The following PAPLN variants were observed in gnomAD, a reference collection of about 807,000 sequenced individuals.
The protein encoded by PAPLN is papilin, proteoglycan like sulfated glycoprotein.
A neutral mutation model predicts 159.0 loss-of-function variants in PAPLN; 146 were observed. The ratio of observed to expected loss-of-function variants is 0.92; its 90% confidence interval spans 0.80 to 1.05. PAPLN has a LOEUF of 1.05. Ranked by LOEUF, PAPLN falls within the 50% of genes least tolerant of loss-of-function variation. The pLI is 0.00. For synonymous variants in PAPLN, 734 were observed against 702.9 expected, an observed-to-expected ratio of 1.04 and a Z score of -0.70; for missense variants, 1,720 against 1,743.9, an observed-to-expected ratio of 0.99 and a Z score of 0.24.
chr14:73,269,426 A>G (rs1466329216), intron 26 of PAPLN, among the ~76,000 whole-genome samples: 1 of 152,176 alleles, frequency 6.6e-6, no homozygotes, highest in Non-Finnish European at 1.5e-5. Context: ...ACAAATCCAA[A>G]TTGCCTGTAA....
chr14:73,252,877 G>A (rs1885453503), intron 11 of PAPLN, 102 bp downstream of exon 11: 1 of 1,534,824 alleles, frequency 6.5e-7, no homozygotes, highest in South Asian at 1.2e-5. Context: ...AAAGAGGTGG[G>A]GGTCCAGGGC....
chr14:73,259,726 T>C (rs11845125), intron 16 of PAPLN, among the ~76,000 whole-genome samples, 181 bp downstream of exon 16: 6,663 of 152,218 alleles, frequency 0.044, 403 homozygotes, highest in African/African-American at 0.13. Flanking sequence ...CTTGGCTTCC[T>C]GTGGCTGAGT....
At position 73,273,199 on chromosome 14, in the gene PAPLN, C is replaced by CAGAT. The variant is rs1274880020; in HGVS notation, c.*535_*536insAGAT. The CAGAT allele has an allele frequency of 2.6e-5, 4 of 151,756 alleles. No individual in the cohort carries two copies. Among genetic ancestry groups the CAGAT allele is most frequent in the African/African-American group, 9.7e-5 (4 of 41,284 alleles). 9.4% of individuals were successfully genotyped at this position (151,756 alleles called of 1,614,324 possible). ...TTCACCATGTTGGCCAGGCTGGTCT[C>CAGAT]GAACTTCTGACCTCAGATGATCTGC... On this transcript the variant is annotated 3_prime_UTR_variant, in exon 27 of 27. Transcript: ENST00000644200.
chr14:73,273,942 G>A lies in PAPLN; in HGVS notation c.*1278G>A, dbSNP rs1020967754. ...AAGAACTGGAAACGCTCCTTACGTC[G>A]AGATGTTGGACCTTGAAGCCCTCCT... On this transcript the variant is annotated 3_prime_UTR_variant, in exon 27 of 27. Coordinates refer to ENST00000644200, the MANE Select transcript of PAPLN (RefSeq NM_001365906.3). 6.6e-6 allele frequency: 1 copy of A among 152,176 alleles called. No individual in the cohort carries two copies. Among genetic ancestry groups the A allele is most frequent in the Non-Finnish European group, 1.5e-5 (1 of 68,016 alleles). The allele number at this position is 152,176 out of a possible 1,614,324, so 9.4% of individuals were successfully genotyped here. A position where few individuals can be genotyped will look rare whatever the true frequency, so the allele number is the denominator to read the frequency against.
rs1249940921 is a variant in PAPLN at position 73,274,174 on chromosome 14, G to A, written c.*1510G>A. ...GAGGATAGCAATGGGGAAGGGTTGT[G>A]GGCAATGCAGTAACAGGGAAATGGC... On this transcript the variant is annotated 3_prime_UTR_variant, in exon 27 of 27. Coordinates refer to ENST00000644200, the MANE Select transcript of PAPLN (RefSeq NM_001365906.3). The A allele has an allele frequency of 6.6e-6, 1 of 152,222 alleles. No homozygotes were observed. Among genetic ancestry groups the A allele is most frequent in the African/African-American group, 2.4e-5 (1 of 41,436 alleles). The allele number at this position is 152,222 out of a possible 1,614,324, so 9.4% of individuals were successfully genotyped here.
intron 10 of PAPLN, 29 bp downstream of exon 10, chr14:73,252,170 C>T (rs765740401): frequency 5.1e-6 from 8 of 1,564,774 alleles, no homozygotes; most frequent in African/African-American, 1.3e-5. Context: ...CAGGGGAGGG[C>T]ATGGGCCCTG....
intron 1 of PAPLN, among the ~76,000 whole-genome samples, chr14:73,238,691 A>G (rs1023974972): frequency 2.0e-5 from 3 of 152,202 alleles, no homozygotes; most frequent in African/African-American, 4.8e-5. Context: ...CTCCAACCCC[A>G]GGAATCTCGA....
At chr14:73,236,048 G>A (rs554574769), upstream of PAPLN, among the ~76,000 whole-genome samples, 4 of 152,332 alleles carry the variant, frequency 2.6e-5, no homozygotes, top group South Asian at 4.1e-4. Flanking sequence ...GCAGAACAGC[G>A]TGGGGGAAGG....
chr14:73,252,584 G>A (rs1885410023), intron 10 of PAPLN, 65 bp from the exon 11 acceptor site: 3 of 1,572,910 alleles, frequency 1.9e-6, no homozygotes, highest in Admixed American at 3.5e-5. Context: ...ATGGCGCCTG[G>A]CCCAGGGAAC....
At chr14:73,255,158 C>A in intron 14 of PAPLN, 140 bp downstream of exon 14, 2 of 1,257,420 alleles carry the variant, frequency 1.6e-6, no homozygotes, top group Admixed American at 2.5e-5. Flanking sequence ...TGTCTCCCCC[C>A]GCTGAACCCT....
intron 5 of PAPLN, among the ~76,000 whole-genome samples, chr14:73,248,041 CTGTGGGTGTG>C (rs1884764775): frequency 1.4e-5 from 1 of 73,894 alleles, no homozygotes; most frequent in South Asian, 4.8e-4. Context: ...GGGATTGTGG[CTGTGGGTGTG>C]GCCCAGTGGG....
At chr14:73,260,526 G>A (rs970101501) in intron 16 of PAPLN, among the ~76,000 whole-genome samples, 183 bp from the exon 17 acceptor site, 5 of 144,854 alleles carry the variant, frequency 3.5e-5, no homozygotes, top group African/African-American at 1.1e-4. Flanking sequence ...GCTAAGAGTC[G>A]GTGGATTTAG....
Position 73,261,136 on chromosome 14 carries a change from A to G in PAPLN, c.2107-20A>G, listed in dbSNP as rs199889816. On this transcript the variant is annotated intron_variant, in intron 17 of 26. Coordinates refer to ENST00000644200, the MANE Select transcript of PAPLN (RefSeq NM_001365906.3). ...GGCCAGATCCACTGCCCACTTCCCA[A>G]TCATGGGTTTCCTCCCCAGGTCCAC... The G allele has an allele frequency of 3.1e-5, 50 of 1,613,818 alleles. 1 individual carries two copies. The highest frequency in any genetic ancestry group is 2.7e-4 in the South Asian group (25 of 91,076).
chr14:73,259,612 C>T, intron 16 of PAPLN, 67 bp downstream of exon 16: 4 of 1,421,788 alleles, frequency 2.8e-6, no homozygotes, highest in Middle Eastern at 2.2e-4. Flanking sequence ...CGTGGGTGGG[C>T]CAACATCTCT....
chr14:73,262,256 A>T, intron 18 of PAPLN, 94 bp from the exon 19 acceptor site: 1 of 1,238,672 alleles, frequency 8.1e-7, no homozygotes, highest in Non-Finnish European at 1.1e-6. Flanking sequence ...TAAGTGGGGA[A>T]GGGCCTGCTT....
rs774544751 is a variant in PAPLN at position 73,264,686 on chromosome 14, C to T, written c.3085C>T (p.Leu1029=). ...TGGCCAAGCGGGGGCTGCTGGGCCC[C>T]TGGGGGCCATCCCCTCTTCACACCC... The part of the protein sequence containing the change: ...DFGQAGAAGP[L]GAIPSSHPQP... Residue 1029 remains leucine, a synonymous_variant, in exon 22 of 27, where the codon CTG becomes TTG. Coordinates refer to ENST00000644200, the MANE Select transcript of PAPLN (RefSeq NM_001365906.3). 6.2e-7 allele frequency: 1 copy of T among 1,612,132 alleles called. No individual in the cohort carries two copies. The highest frequency in any genetic ancestry group is 1.3e-5 in the African/African-American group (1 of 74,820).
At chr14:73,257,746 CT>C (rs1240346992) in intron 14 of PAPLN, among the ~76,000 whole-genome samples, 13 of 118,918 alleles carry the variant, frequency 1.1e-4, no homozygotes, top group Non-Finnish European at 1.7e-4. Context: ...TATCTAGTCT[CT>C]TTCTTCTTTT....
rs199956660 is a variant in PAPLN at position 73,251,622 on chromosome 14, C to T, written c.671-42C>T. Reference sequence around the variant, plus strand: ...TCTGGGGCTGCAGGGGGAGGTGCGGCACTGCTCCCTCTGGCTGACTGAGGC... The same window carrying T: ...TCTGGGGCTGCAGGGGGAGGTGCGGTACTGCTCCCTCTGGCTGACTGAGGC... On this transcript the variant is annotated intron_variant, in intron 8 of 26. Transcript: ENST00000644200. 4.4e-4 allele frequency: 711 copies of T among 1,613,428 alleles called. 5 individuals are homozygous for T. The African/African-American group carries it at 5.1e-3, about 12-fold the overall frequency.
At chr14:73,243,557 G>A (rs1883842004) in intron 2 of PAPLN, 1 of 152,226 alleles carries the variant, frequency 6.6e-6, no homozygotes, top group South Asian at 2.1e-4. Context: ...AGGCTGGCCG[G>A]CTACTGTGCC....
Sources: gnomAD v4.1 joint callset for allele counts (sites outside exome capture counted in the v4.1 genomes callset) on GRCh38, gnomAD v4.1.1 for gene constraint, MANE v1.5 for transcripts, NCBI Gene and HGNC (gene_info 2026-07-23, HGNC 2026-07-21) for gene names.